Variants in NRCAM observed in about 807,000 individuals in gnomAD.
NRCAM encodes the protein NgCAM-related cell adhesion molecule.
Under a neutral mutation model 156.5 loss-of-function variants are expected in NRCAM, and 83 were observed. That is an observed-to-expected ratio of 0.53 (90% CI 0.44 to 0.64). The LOEUF (loss-of-function observed/expected upper bound fraction) is 0.64, where lower values mean the gene tolerates loss of function less well. NRCAM is among the 30% of genes least tolerant of loss of function. The pLI, the probability that NRCAM is intolerant of heterozygous loss-of-function variation, is 0.00. For synonymous variants in NRCAM, 538 were observed against 563.9 expected, an observed-to-expected ratio of 0.95 and a Z score of 0.65; for missense variants, 1,417 against 1,597.3, an observed-to-expected ratio of 0.89 and a Z score of 1.92.
chr7:108,192,057 GA>G (rs1212287472), intron 17 of NRCAM, among the ~76,000 whole-genome samples: 7 of 152,214 alleles, frequency 4.6e-5, no homozygotes, highest in Admixed American at 3.9e-4. Flanking sequence ...GGTTAGAAGG[GA>G]TATGTCCTCT....
chr7:108,364,504 G>A (rs544156134), intron 2 of NRCAM, among the ~76,000 whole-genome samples: 8 of 152,176 alleles, frequency 5.3e-5, no homozygotes, highest in African/African-American at 1.7e-4. Flanking sequence ...CCACTCCTAT[G>A]TATAGACCCG....
chr7:108,440,375 AT>A (rs904873396), intron 1 of NRCAM, among the ~76,000 whole-genome samples: 9 of 151,492 alleles, frequency 5.9e-5, no homozygotes, highest in South Asian at 2.1e-4. Context: ...TTTGGGTTAC[AT>A]TTTTTTTTCA....
At chr7:108,277,233 G>C (rs920370815) in intron 3 of NRCAM, among the ~76,000 whole-genome samples, 3 of 152,032 alleles carry the variant, frequency 2.0e-5, no homozygotes, top group African/African-American at 4.8e-5. Context: ...TCTTCTCGAG[G>C]TGTATCTTTG....
chr7:108,309,754 G>C (rs528021085), intron 3 of NRCAM, among the ~76,000 whole-genome samples: 35 of 152,230 alleles, frequency 2.3e-4, no homozygotes, highest in African/African-American at 7.5e-4. Flanking sequence ...CTACTCAGGA[G>C]GCTGAGGGAT....
At chr7:108,226,530 T>TA (rs3078782) in intron 8 of NRCAM, 152 bp from the exon 9 acceptor site, 8,621 of 393,786 alleles carry the variant, frequency 0.022, 99 homozygotes, top group Middle Eastern at 0.056. Flanking sequence ...CAAATAACTG[T>TA]AAAAAAAAAA....
At position 108,439,698 on chromosome 7, in the gene NRCAM, G is replaced by A. The variant is rs569274516; in HGVS notation, c.-332+16545C>T. ...AAAAATACAAAATTAGCTGGCTGTG[G>A]TGGTGCATGCCTGTAATCCCAGCTA... is the stretch of plus-strand genomic sequence containing the variant. On this transcript the variant is annotated intron_variant, in intron 1 of 32. Transcript: ENST00000379028. Among the ~76,000 whole-genome samples, 4 of 152,156 alleles carry A rather than the reference G, an allele frequency of 2.6e-5. No individual in the cohort carries two copies. In the South Asian group the frequency reaches 8.3e-4, roughly 32 times the overall value.
Position 108,456,364 on chromosome 7 carries a change from C to T in NRCAM, c.-453G>A, listed in dbSNP as rs565622345. The T allele has an allele frequency of 1.3e-5, 2 of 151,894 alleles. No homozygotes were observed. Among genetic ancestry groups the T allele is most frequent in the South Asian group, 4.1e-4 (2 of 4,828 alleles). The allele number at this position is 151,894 out of a possible 1,614,324, so 9.4% of individuals were successfully genotyped here. The stretch of plus-strand genomic sequence containing the variant: ...TGCTCCAGCCAGGCGGCCCCTGCGC[C>T]GTCCCCCGCGCCCGCGCGTCTGAGG... On this transcript the variant is annotated 5_prime_UTR_variant, in exon 1 of 33. Transcript: ENST00000379028.
chr7:108,349,182 A>G (rs746004424), intron 2 of NRCAM, among the ~76,000 whole-genome samples: 3 of 151,972 alleles, frequency 2.0e-5, no homozygotes, highest in Non-Finnish European at 2.9e-5. Flanking sequence ...TTGTATTGTT[A>G]TTACTGCTCT....
In NRCAM at chr7:108,290,775, C is replaced by T. The variant is rs977296678; in HGVS notation, c.-107+21890G>A. On this transcript the variant is annotated intron_variant, in intron 3 of 32. Coordinates refer to ENST00000379028, the MANE Select transcript of NRCAM (RefSeq NM_001037132.4). The stretch of plus-strand genomic sequence containing the variant: ...CTATCCATTATGTCTTTTGTCATTT[C>T]AGCATTATGTACTATCATTATCTAT... Among the ~76,000 whole-genome samples the T allele has an allele frequency of 2.0e-5, 3 of 152,276 alleles. No homozygotes were observed. In the East Asian group the frequency reaches 5.8e-4, roughly 29 times the overall value.
At chr7:108,194,533 G>C in intron 15 of NRCAM, 105 bp from the exon 16 acceptor site, 1 of 741,682 alleles carries the variant, frequency 1.3e-6, no homozygotes, top group East Asian at 2.7e-5. Flanking sequence ...GAATGTGAAA[G>C]TTGCAAGGCT....
intron 3 of NRCAM, among the ~76,000 whole-genome samples, chr7:108,269,172 A>G (rs540298803): frequency 3.9e-5 from 6 of 152,084 alleles, no homozygotes; most frequent in African/African-American, 1.2e-4. Context: ...TTGAAAAAAA[A>G]AAAAAAGAAA....
intron 3 of NRCAM, among the ~76,000 whole-genome samples, chr7:108,298,188 T>C (rs752152418): frequency 1.3e-5 from 2 of 152,164 alleles, no homozygotes; most frequent in Non-Finnish European, 2.9e-5. Context: ...AATAATCATA[T>C]TAAAAGAAAC....
intron 1 of NRCAM, among the ~76,000 whole-genome samples, chr7:108,423,423 A>T (rs1812868495): frequency 6.6e-6 from 1 of 152,084 alleles, no homozygotes; most frequent in Admixed American, 6.6e-5. Context: ...TGATTCAGAG[A>T]GAAAAGGAAG....
chr7:108,394,096 G>T (rs981292389), intron 2 of NRCAM, among the ~76,000 whole-genome samples: 4 of 152,206 alleles, frequency 2.6e-5, no homozygotes, highest in African/African-American at 9.7e-5. Flanking sequence ...GAGCCTTTGT[G>T]TTCCCAAGTC....
chr7:108,216,626 T>TC (rs1293926344), intron 11 of NRCAM, among the ~76,000 whole-genome samples: 1 of 152,192 alleles, frequency 6.6e-6, no homozygotes, highest in Non-Finnish European at 1.5e-5. Flanking sequence ...CATTCTTTTT[T>TC]CTCTAATCTT....
At chr7:108,252,674 C>T (rs1415136029) in intron 3 of NRCAM, among the ~76,000 whole-genome samples, 1 of 152,128 alleles carries the variant, frequency 6.6e-6, no homozygotes, top group Non-Finnish European at 1.5e-5. Context: ...TTTTCTCTGT[C>T]CATTTAACTA....
chr7:108,164,594 G>A (rs921033184), intron 30 of NRCAM, among the ~76,000 whole-genome samples: 1 of 146,442 alleles, frequency 6.8e-6, no homozygotes, highest in African/African-American at 2.5e-5. Flanking sequence ...GCAGGAGCAG[G>A]GGCAGTGGAA....
At chr7:108,171,248 G>A (rs1586177185) in intron 28 of NRCAM, among the ~76,000 whole-genome samples, 1 of 149,308 alleles carries the variant, frequency 6.7e-6, no homozygotes, top group African/African-American at 2.4e-5. Flanking sequence ...CGCCAGTGTA[G>A]TTACCTACAT....
intron 29 of NRCAM, 66 bp downstream of exon 29, chr7:108,168,211 A>G: frequency 7.1e-7 from 1 of 1,410,662 alleles, no homozygotes; most frequent in Non-Finnish European, 9.4e-7. Context: ...ATTCTTAAGA[A>G]TGTTTTTAAT....
Sources: gnomAD v4.1 joint callset for allele counts (sites outside exome capture counted in the v4.1 genomes callset) on GRCh38, gnomAD v4.1.1 for gene constraint, MANE v1.5 for transcripts, NCBI Gene and HGNC (gene_info 2026-07-23, HGNC 2026-07-21) for gene names.